Variants in MYO3B observed in about 807,000 individuals in gnomAD.
MYO3B encodes the protein myosin IIIB.
Under a neutral mutation model 174.6 loss-of-function variants are expected in MYO3B, and 156 were observed. That is an observed-to-expected ratio of 0.89 (90% confidence interval 0.78 to 1.02). The LOEUF is 1.02. Ranked by LOEUF, MYO3B falls within the 50% of genes least tolerant of loss-of-function variation. The pLI, the probability that MYO3B is intolerant of heterozygous loss-of-function variation, is 0.00. For synonymous variants in MYO3B, 563 were observed against 569.1 expected (o/e 0.99, Z 0.15); for missense variants, 1,632 against 1,639.4 (o/e 1.00, Z 0.08).
At chr2:170,338,770 T>A (rs2093960639) in intron 8 of MYO3B, among the ~76,000 whole-genome samples, 1 of 151,954 alleles carries the variant, frequency 6.6e-6, no homozygotes, top group Non-Finnish European at 1.5e-5. Flanking sequence ...GACCAGCTAG[T>A]TTTTACATTT....
At chr2:170,353,038 A>G (rs561275715) in intron 8 of MYO3B, among the ~76,000 whole-genome samples, 1 of 152,370 alleles carries the variant, frequency 6.6e-6, no homozygotes, top group South Asian at 2.1e-4. Flanking sequence ...CGTAGGGTCT[A>G]GCAATCGCCC....
At position 170,493,557 on chromosome 2, in the gene MYO3B, C is replaced by T. The variant is rs1308530973; in HGVS notation, c.3015-5035C>T. On this transcript the variant is annotated intron_variant, in intron 25 of 34. Transcript: ENST00000408978. Reference sequence around the variant, plus strand: ...GAGCTTGAGAGATCTTTTGTGGTGGCTTTAACATACGTCTACAAATTATTT... The same window carrying T: ...GAGCTTGAGAGATCTTTTGTGGTGGTTTTAACATACGTCTACAAATTATTT... 2.6e-5 allele frequency among the ~76,000 whole-genome samples: 4 copies of T among 152,180 alleles called. No homozygotes were observed. The East Asian group carries it at 7.7e-4, about 29-fold the overall frequency.
At chr2:170,217,168 A>G in intron 5 of MYO3B, 151 bp from the exon 6 acceptor site, 1 of 648,116 alleles carries the variant, frequency 1.5e-6, no homozygotes. Context: ...CTGCTTTTGT[A>G]CTATTGCAGC....
intron 32 of MYO3B, among the ~76,000 whole-genome samples, chr2:170,566,764 ATCT>A (rs1473407909): frequency 6.6e-6 from 1 of 152,172 alleles, no homozygotes; most frequent in Non-Finnish European, 1.5e-5. Flanking sequence ...CAGTAAATAA[ATCT>A]TCTCTATATA....
At chr2:170,319,042 T>C (rs2093796390) in intron 7 of MYO3B, among the ~76,000 whole-genome samples, 1 of 152,182 alleles carries the variant, frequency 6.6e-6, no homozygotes, top group South Asian at 2.1e-4. Flanking sequence ...AAAACTAATT[T>C]CAGATCATGT....
intron 32 of MYO3B, among the ~76,000 whole-genome samples, chr2:170,612,741 G>A (rs529110369): frequency 1.6e-3 from 248 of 152,308 alleles, no homozygotes; most frequent in African/African-American, 5.3e-3. Flanking sequence ...CCTAGTGCAG[G>A]TATTGCATGG....
At chr2:170,561,254 C>T (rs1691693594) in intron 32 of MYO3B, among the ~76,000 whole-genome samples, 1 of 152,220 alleles carries the variant, frequency 6.6e-6, no homozygotes, top group South Asian at 2.1e-4. Context: ...TCATCTACCA[C>T]CCTGAGCAAA....
chr2:170,198,620 G>A (rs2092626758), intron 1 of MYO3B, among the ~76,000 whole-genome samples: 2 of 152,208 alleles, frequency 1.3e-5, no homozygotes, highest in Non-Finnish European at 2.9e-5. Flanking sequence ...CTATATTTCA[G>A]TAAGCAAGAA....
At chr2:170,635,976 C>T (rs1372971198) in intron 32 of MYO3B, among the ~76,000 whole-genome samples, 1 of 152,162 alleles carries the variant, frequency 6.6e-6, no homozygotes, top group African/African-American at 2.4e-5. Context: ...AAAATCACAA[C>T]TTAGATGATC....
intron 25 of MYO3B, among the ~76,000 whole-genome samples, chr2:170,475,365 C>T (rs976052232): frequency 2.0e-5 from 3 of 152,146 alleles, no homozygotes; most frequent in Non-Finnish European, 4.4e-5. Flanking sequence ...ATTCTCCTGC[C>T]TCAGCCTACA....
intron 7 of MYO3B, among the ~76,000 whole-genome samples, chr2:170,287,158 T>C (rs1159472101): frequency 6.6e-6 from 1 of 152,204 alleles, no homozygotes; most frequent in Non-Finnish European, 1.5e-5. Context: ...TTCCATAGTT[T>C]GGCTATTGTG....
chr2:170,235,301 A>G (rs1272220268), intron 6 of MYO3B, among the ~76,000 whole-genome samples: 1 of 152,202 alleles, frequency 6.6e-6, no homozygotes, highest in Non-Finnish European at 1.5e-5. Flanking sequence ...TTCTTGCCTG[A>G]CTCAAAAAGT....
intron 24 of MYO3B, among the ~76,000 whole-genome samples, chr2:170,465,020 C>T (rs906002774): frequency 8.4e-6 from 1 of 118,896 alleles, no homozygotes; most frequent in Non-Finnish European, 1.9e-5. Context: ...GTACGTGCCA[C>T]CATGCCTGGC....
chr2:170,230,181 T>G (rs2092998688), intron 6 of MYO3B, among the ~76,000 whole-genome samples: 1 of 150,518 alleles, frequency 6.6e-6, no homozygotes, highest in South Asian at 2.1e-4. Flanking sequence ...TTTGTTTTTT[T>G]TTTTTCGAGA....
At chr2:170,471,712 C>T (rs1684986501) in intron 25 of MYO3B, among the ~76,000 whole-genome samples, 1 of 152,084 alleles carries the variant, frequency 6.6e-6, no homozygotes, top group East Asian at 1.9e-4. Context: ...TTGACCAGGC[C>T]GGGGCGCAGT....
chr2:170,550,969 C>T (rs559634065), intron 32 of MYO3B, among the ~76,000 whole-genome samples: 1 of 152,086 alleles, frequency 6.6e-6, no homozygotes, highest in Non-Finnish European at 1.5e-5. Flanking sequence ...CATGATCTCA[C>T]CTCACTGCAA....
chr2:170,390,568 G>C (rs897357751), intron 14 of MYO3B, among the ~76,000 whole-genome samples: 1 of 152,224 alleles, frequency 6.6e-6, no homozygotes, highest in Non-Finnish European at 1.5e-5. Flanking sequence ...AGACCCAGGA[G>C]AGGCTGAACA....
intron 29 of MYO3B, among the ~76,000 whole-genome samples, chr2:170,518,778 T>A (rs1269232140): frequency 1.3e-5 from 2 of 152,178 alleles, no homozygotes; most frequent in Non-Finnish European, 2.9e-5. Flanking sequence ...CCAGGTGATG[T>A]TGATGCTACT....
intron 25 of MYO3B, among the ~76,000 whole-genome samples, chr2:170,496,887 C>T (rs75433789): frequency 0.035 from 5,334 of 152,084 alleles, 244 homozygotes; most frequent in East Asian, 0.14. Context: ...TTTGGCCTCT[C>T]AAAGTACTGG....
Sources: gnomAD v4.1 joint callset for allele counts (sites outside exome capture counted in the v4.1 genomes callset) on GRCh38, gnomAD v4.1.1 for gene constraint, MANE v1.5 for transcripts, NCBI Gene and HGNC (gene_info 2026-07-23, HGNC 2026-07-21) for gene names.